The following ADGRL2 variants were observed in gnomAD, a reference collection of about 807,000 sequenced individuals.
ADGRL2 encodes the protein adhesion G protein-coupled receptor L2.
A neutral mutation model predicts 157.4 loss-of-function variants in ADGRL2; 44 were observed. The observed-to-expected ratio is 0.28, with a 90% CI of 0.22 to 0.36. ADGRL2 has a LOEUF of 0.36. Among genes scored for constraint, ADGRL2 ranks in the 10% least tolerant of loss-of-function variants. The pLI is 1.00. For synonymous variants in ADGRL2, 585 were observed against 624.7 expected, an observed-to-expected ratio of 0.94 and a Z score of 0.95; for missense variants, 1,510 against 1,768.9, an observed-to-expected ratio of 0.85 and a Z score of 2.63.
chr1:81,778,210 T>A (rs1400340079), intron 2 of ADGRL2, among the ~76,000 whole-genome samples: 3 of 108,624 alleles, frequency 2.8e-5, no homozygotes, highest in Non-Finnish European at 5.4e-5. Context: ...TAGTCCCAGC[T>A]CCTCGGGGAG....
At chr1:81,449,451 A>T in intron 2 of ADGRL2, among the ~76,000 whole-genome samples, 1 of 152,224 alleles carries the variant, frequency 6.6e-6, no homozygotes, top group South Asian at 2.1e-4. Context: ...AAGTGCCAAT[A>T]GGCATCCCAC....
At chr1:81,634,535 G>GTTTTTTTTTT (rs2082079050) in intron 3 of ADGRL2, among the ~76,000 whole-genome samples, 1 of 144,672 alleles carries the variant, frequency 6.9e-6, no homozygotes. Context: ...TGGTTTTTTT[G>GTTTTTTTTTT]TTTGTTTGTT....
chr1:81,315,327 T>G (rs561538387), intron 1 of ADGRL2, among the ~76,000 whole-genome samples: 17 of 152,014 alleles, frequency 1.1e-4, no homozygotes, highest in African/African-American at 4.1e-4. Context: ...CCTGATTCTT[T>G]GCCATAAAAA....
chr1:81,459,392 T>G (rs529720437), intron 2 of ADGRL2, among the ~76,000 whole-genome samples: 2 of 152,270 alleles, frequency 1.3e-5, no homozygotes, highest in South Asian at 4.1e-4. Flanking sequence ...TTACTATACC[T>G]CAAGTAGAAT....
intron 2 of ADGRL2, among the ~76,000 whole-genome samples, chr1:81,872,448 A>T (rs1195801626): frequency 1.3e-5 from 2 of 152,162 alleles, no homozygotes; most frequent in Admixed American, 1.3e-4. Context: ...AAGTGACTAC[A>T]TTATTGCTGG....
intron 1 of ADGRL2, among the ~76,000 whole-genome samples, chr1:81,306,868 C>A (rs1467777277): frequency 9.0e-6 from 1 of 110,760 alleles, no homozygotes; most frequent in Non-Finnish European, 1.9e-5. Flanking sequence ...TAAAATTCAA[C>A]CGTAACAAAT....
At chr1:81,561,466 GT>G (rs1426441738) in intron 2 of ADGRL2, among the ~76,000 whole-genome samples, 123 of 126,980 alleles carry the variant, frequency 9.7e-4, no homozygotes, top group African/African-American at 2.7e-3. Context: ...TGTTGTTTTT[GT>G]TTTTTTTTTT....
chr1:81,383,663 A>T (rs1393371095), intron 1 of ADGRL2, among the ~76,000 whole-genome samples: 5 of 44,026 alleles, frequency 1.1e-4, no homozygotes, highest in African/African-American at 2.9e-4. Context: ...CTACTAGTTT[A>T]AAAAAAAAAA....
intron 3 of ADGRL2, among the ~76,000 whole-genome samples, chr1:81,605,721 G>T (rs188362996): frequency 1.3e-5 from 2 of 152,098 alleles, no homozygotes; most frequent in East Asian, 1.9e-4. Context: ...CACATCAAAG[G>T]CTGATTTACA....
chr1:81,858,740 GA>G (rs1258844576), intron 2 of ADGRL2, among the ~76,000 whole-genome samples: 2 of 151,678 alleles, frequency 1.3e-5, no homozygotes, highest in African/African-American at 4.8e-5. Flanking sequence ...TAAAGGTCCT[GA>G]AAAAAAATCA....
intron 1 of ADGRL2, among the ~76,000 whole-genome samples, chr1:81,811,251 T>C (rs1410982046): frequency 6.6e-6 from 1 of 151,908 alleles, no homozygotes; most frequent in Non-Finnish European, 1.5e-5. Context: ...TATTTCTGTA[T>C]GTTTTAGCAT....
In ADGRL2 at chr1:81,984,728, C is replaced by G. The variant is rs201904802; in HGVS notation, c.3411+17C>G. On this transcript the variant is annotated intron_variant, in intron 20 of 23. Transcript: ENST00000686636. ...GGCACACAGGTAACAAAGAGTTTGA[C>G]AGCATCTTTAATTAACCTTATTTAT... The G allele has an allele frequency of 3.7e-6, 6 of 1,611,428 alleles. No homozygotes were observed. The highest frequency in any genetic ancestry group is 1.1e-5 in the South Asian group (1 of 90,882).
intron 4 of ADGRL2, among the ~76,000 whole-genome samples, chr1:81,939,440 T>G (rs1572242636): frequency 6.6e-6 from 1 of 151,690 alleles, no homozygotes; most frequent in East Asian, 1.9e-4. Context: ...TATTTCAAAG[T>G]ATCATTGTAA....
chr1:81,436,444 AT>A (rs892695722), intron 1 of ADGRL2, among the ~76,000 whole-genome samples: 3 of 151,686 alleles, frequency 2.0e-5, no homozygotes, highest in East Asian at 1.9e-4. Context: ...CATTTGAACT[AT>A]TTTTTTTCCT....
intron 2 of ADGRL2, among the ~76,000 whole-genome samples, chr1:81,787,013 C>T (rs767011658): frequency 1.3e-4 from 20 of 152,060 alleles, no homozygotes; most frequent in Admixed American, 2.0e-4. Context: ...ATACTGTTCT[C>T]GTGGTAGTGA....
chr1:81,891,220 GT>G (rs1247925760), intron 2 of ADGRL2, among the ~76,000 whole-genome samples: 1 of 151,272 alleles, frequency 6.6e-6, no homozygotes, highest in Non-Finnish European at 1.5e-5. Flanking sequence ...ACGTTATATT[GT>G]TTTTTATTCT....
chr1:81,826,086 A>G (rs573180289), intron 1 of ADGRL2, among the ~76,000 whole-genome samples: 2 of 152,334 alleles, frequency 1.3e-5, no homozygotes, highest in Admixed American at 1.3e-4. Flanking sequence ...CTTAAGATGA[A>G]TAATGCTCCA....
chr1:81,373,549 T>C (rs1225397289), intron 1 of ADGRL2, among the ~76,000 whole-genome samples: 1 of 152,190 alleles, frequency 6.6e-6, no homozygotes, highest in Admixed American at 6.5e-5. Flanking sequence ...GTGATGCTAC[T>C]TACAGGGTTC....
intron 1 of ADGRL2, among the ~76,000 whole-genome samples, chr1:81,739,965 C>T (rs1422436213): frequency 6.6e-6 from 1 of 152,132 alleles, no homozygotes; most frequent in Non-Finnish European, 1.5e-5. Flanking sequence ...TCTGAAGTCC[C>T]TTTAGAGAAG....
Sources: allele counts gnomAD v4.1 joint callset (sites outside exome capture counted in the v4.1 genomes callset), GRCh38; gene constraint gnomAD v4.1.1; transcripts MANE v1.5; gene names NCBI Gene and HGNC (gene_info 2026-07-23, HGNC 2026-07-21).